Variants in TMED8 observed in about 807,000 individuals in gnomAD.
The protein encoded by TMED8 is transmembrane p24 trafficking protein family member 8, also known as protein TMED8.
Under a neutral mutation model 32.7 loss-of-function variants are expected in TMED8, and 15 were observed. The ratio of observed to expected loss-of-function variants is 0.46; its 90% confidence interval spans 0.31 to 0.71. The LOEUF (loss-of-function observed/expected upper bound fraction) is 0.71. Ranked by LOEUF, TMED8 falls within the 30% of genes least tolerant of loss-of-function variation. TMED8 has a pLI of 0.06. For missense variants in TMED8, 390 were observed against 423.9 expected, an observed-to-expected ratio of 0.92 and a Z score of 0.70; for synonymous variants, 147 against 161.4, an observed-to-expected ratio of 0.91 and a Z score of 0.68.
At chr14:77,342,227 T>C (rs1183797912) in intron 5 of TMED8, among the ~76,000 whole-genome samples, 3 of 152,060 alleles carry the variant, frequency 2.0e-5, no homozygotes, top group African/African-American at 7.2e-5. Context: ...ACAAACAATG[T>C]CCCATCCCAA....
chr14:77,352,533 G>C (rs930954989), intron 1 of TMED8, among the ~76,000 whole-genome samples: 3 of 152,162 alleles, frequency 2.0e-5, no homozygotes, highest in Middle Eastern at 3.2e-3. Context: ...GAGGTCAGGA[G>C]TTCGAGACCA....
At chr14:77,351,970 T>A (rs1329848110) in intron 1 of TMED8, among the ~76,000 whole-genome samples, 2 of 152,182 alleles carry the variant, frequency 1.3e-5, no homozygotes, top group Non-Finnish European at 2.9e-5. Context: ...ATAAATCATT[T>A]CTAAAACAAG....
chr14:77,356,149 CTCT>C (rs1382899453), intron 1 of TMED8, among the ~76,000 whole-genome samples: 1 of 152,130 alleles, frequency 6.6e-6, no homozygotes, highest in Admixed American at 6.6e-5. Flanking sequence ...TAACAATGAG[CTCT>C]TTTTTTCTTT....
intron 1 of TMED8, among the ~76,000 whole-genome samples, chr14:77,363,662 T>C (rs913163721): frequency 3.3e-5 from 5 of 151,752 alleles, no homozygotes; most frequent in African/African-American, 9.7e-5. Flanking sequence ...TCTAAAATAA[T>C]AATCATAATA....
At chr14:77,358,095 G>A (rs1225709101) in intron 1 of TMED8, among the ~76,000 whole-genome samples, 1 of 135,330 alleles carries the variant, frequency 7.4e-6, no homozygotes, top group East Asian at 2.2e-4. Flanking sequence ...AGGCACTCCA[G>A]CCTGGGTGAT....
intron 2 of TMED8, among the ~76,000 whole-genome samples, chr14:77,347,413 C>T (rs138094030): frequency 2.0e-3 from 299 of 152,336 alleles, no homozygotes; most frequent in African/African-American, 6.9e-3. Flanking sequence ...GCACATTAAT[C>T]AACAATCCCA....
chr14:77,341,551 G>C lies in TMED8; in HGVS notation c.*220C>G, dbSNP rs928274215. Reference sequence around the variant, plus strand: ...ATTTGCTGGAGTCTGAAGCAAGAAGGGTATGAGTCAGGGACTACAGAACAG... The same window carrying C: ...ATTTGCTGGAGTCTGAAGCAAGAAGCGTATGAGTCAGGGACTACAGAACAG... On this transcript the variant is annotated 3_prime_UTR_variant, in exon 6 of 6. Transcript: ENST00000216468. The C allele has an allele frequency of 1.7e-6, 1 of 579,634 alleles. No individual in the cohort carries two copies. The highest frequency in any genetic ancestry group is 3.1e-6 in the Non-Finnish European group (1 of 323,834). The allele number at this position is 579,634 out of a possible 1,614,324, so 35.9% of individuals were successfully genotyped here. A position where few individuals can be genotyped will look rare whatever the true frequency, so the allele number is the denominator to read the frequency against.
chr14:77,340,531 T>TG lies in TMED8; in HGVS notation c.*1239dup, dbSNP rs1250089837. 1.1e-4 allele frequency: 16 copies of TG among 152,246 alleles called. No individual in the cohort carries two copies. Among genetic ancestry groups the TG allele is most frequent in the Admixed American group, 1.0e-3 (16 of 15,274 alleles). The allele number at this position is 152,246 out of a possible 1,614,324, so 9.4% of individuals were successfully genotyped here. On this transcript the variant is annotated 3_prime_UTR_variant, in exon 6 of 6. Transcript: ENST00000216468. The stretch of plus-strand genomic sequence containing the variant: ...TCTCACCTCCGTCTCCTCCTCCGCC[T>TG]GGGGGCCCAGCAGCTGGTGCTCTGG...
In TMED8 at chr14:77,337,456, T is replaced by G. The variant is rs949321192; in HGVS notation, c.*4315A>C. The G allele has an allele frequency of 3.9e-5, 6 of 152,164 alleles. No individual in the cohort carries two copies. The highest frequency in any genetic ancestry group is 1.4e-4 in the African/African-American group (6 of 41,430). The allele number at this position is 152,164 out of a possible 1,614,324, so 9.4% of individuals were successfully genotyped here. On this transcript the variant is annotated 3_prime_UTR_variant, in exon 6 of 6. Coordinates refer to ENST00000216468, the MANE Select transcript of TMED8 (RefSeq NM_213601.3). The stretch of plus-strand genomic sequence containing the variant: ...CAGTCTGGAGTGCAGTGGCATGATC[T>G]CGGCTCGCTGCAACCTCTGCCTCCT...
chr14:77,369,983 C>T (rs1001328351), intron 1 of TMED8, among the ~76,000 whole-genome samples: 1 of 152,130 alleles, frequency 6.6e-6, no homozygotes, highest in Non-Finnish European at 1.5e-5. Context: ...ACCAACCTGG[C>T]CAGCATGGTG....
At position 77,338,264 on chromosome 14, in the gene TMED8, C is replaced by G. The variant is rs569263170; in HGVS notation, c.*3507G>C. On this transcript the variant is annotated 3_prime_UTR_variant, in exon 6 of 6. Transcript: ENST00000216468. ...ATTTATTTGACGTATTTTGAAATGG[C>G]CCTACAAAGCTGTCTCTTGTGGGGG... 1 of 152,282 alleles carries G rather than the reference C, an allele frequency of 6.6e-6. No homozygotes were observed. Among genetic ancestry groups the G allele is most frequent in the South Asian group, 2.1e-4 (1 of 4,826 alleles). 9.4% of individuals were successfully genotyped at this position (152,282 alleles called of 1,614,324 possible).
chr14:77,335,446 T>C lies in TMED8; in HGVS notation c.*6325A>G, dbSNP rs1478632267. On this transcript the variant is annotated 3_prime_UTR_variant, in exon 6 of 6. Coordinates refer to ENST00000216468, the MANE Select transcript of TMED8 (RefSeq NM_213601.3). ...TTGTAATGTCAGCAACAGTACATGA[T>C]ATAGAACAGTAAGAAAATAATGTCT... 1.3e-5 allele frequency: 2 copies of C among 152,228 alleles called. No individual in the cohort carries two copies. The highest frequency in any genetic ancestry group is 2.4e-5 in the African/African-American group (1 of 41,474). The allele number at this position is 152,228 out of a possible 1,614,324, so 9.4% of individuals were successfully genotyped here. A position where few individuals can be genotyped will look rare whatever the true frequency, so the allele number is the denominator to read the frequency against.
In TMED8 at chr14:77,341,631, AAC is replaced by A. The variant is rs79601408; in HGVS notation, c.*138_*139del. ...AGAAGGGGAAAAAGCTACGTGGGCC[AAC>A]AGTCAGGCATGCCAGACAGGGTGTG... On this transcript the variant is annotated 3_prime_UTR_variant, in exon 6 of 6. Transcript: ENST00000216468. 0.066 allele frequency: 52,991 copies of A among 799,342 alleles called. 2,115 individuals are homozygous for A. The highest frequency in any genetic ancestry group is 0.084 in the Non-Finnish European group (41,805 of 494,898). 49.5% of individuals were successfully genotyped at this position (799,342 alleles called of 1,614,324 possible).
Position 77,346,423 on chromosome 14 carries a change from T to G in TMED8, c.253A>C (p.Thr85Pro). 1 of 1,614,152 alleles carries G rather than the reference T, an allele frequency of 6.2e-7. No homozygotes were observed. Among genetic ancestry groups the G allele is most frequent in the Non-Finnish European group, 8.5e-7 (1 of 1,180,018 alleles). ...AAGGCCTGAGCCTCCAAAGGACCAG[T>G]TGCTTTCCGCAGATCTTCCGTGGCA... ...KDATEDLRKA[T>P]GPLEAQALVK... Residue 85 changes from threonine to proline, a missense_variant, in exon 3 of 6, where the codon ACT (threonine) becomes CCT (proline). By Grantham distance (38) the Thr-to-Pro change is conservative. Coordinates refer to ENST00000216468, the MANE Select transcript of TMED8 (RefSeq NM_213601.3).
Position 77,338,001 on chromosome 14 carries a change from G to A in TMED8, c.*3770C>T, listed in dbSNP as rs1892804781. 6.6e-6 allele frequency: 1 copy of A among 152,180 alleles called. No homozygotes were observed. Among genetic ancestry groups the A allele is most frequent in the Non-Finnish European group, 1.5e-5 (1 of 68,030 alleles). 9.4% of individuals were successfully genotyped at this position (152,180 alleles called of 1,614,324 possible). A position where few individuals can be genotyped will look rare whatever the true frequency, so the allele number is the denominator to read the frequency against. ...GGCCCAGGGGATCTCAAAGGAACCT[G>A]AAAAACTAGTCCATGATGGGAAGAC... On this transcript the variant is annotated 3_prime_UTR_variant, in exon 6 of 6. Transcript: ENST00000216468.
chr14:77,359,725 G>A (rs1237530314), intron 1 of TMED8: 1 of 254,882 alleles, frequency 3.9e-6, no homozygotes, highest in Non-Finnish European at 7.8e-6. Context: ...GCAAAGAAAA[G>A]ATCCACATGA....
intron 1 of TMED8, among the ~76,000 whole-genome samples, chr14:77,354,335 T>G (rs1210518646): frequency 6.6e-6 from 1 of 152,222 alleles, no homozygotes; most frequent in African/African-American, 2.4e-5. Context: ...CACTCTCTCC[T>G]ATGCTCTATT....
At chr14:77,375,332 A>AG (rs966204110) in intron 1 of TMED8, among the ~76,000 whole-genome samples, 3 of 152,094 alleles carry the variant, frequency 2.0e-5, no homozygotes, top group Non-Finnish European at 4.4e-5. Context: ...ATTAGATGTC[A>AG]GGGGGAAAAA....
At chr14:77,355,443 G>A (rs917203617) in intron 1 of TMED8, among the ~76,000 whole-genome samples, 44 of 151,894 alleles carry the variant, frequency 2.9e-4, no homozygotes, top group Admixed American at 1.4e-3. Flanking sequence ...TGATCCACCC[G>A]CCTCGGCCTC....
Sources: gnomAD v4.1 joint callset for allele counts (sites outside exome capture counted in the v4.1 genomes callset) on GRCh38, gnomAD v4.1.1 for gene constraint, MANE v1.5 for transcripts, NCBI Gene and HGNC (gene_info 2026-07-23, HGNC 2026-07-21) for gene names.